GNB5: variants seen among roughly 807,000 people sequenced by gnomAD.
GNB5 encodes guanine nucleotide-binding protein subunit beta-5.
In GNB5, 37 loss-of-function variants were observed where a neutral mutation model predicts 55.3. The observed-to-expected ratio is 0.67, with a 90% CI of 0.51 to 0.88. The LOEUF (loss-of-function observed/expected upper bound fraction) is 0.88, where lower values mean the gene tolerates loss of function less well. Among genes scored for constraint, GNB5 ranks in the 40% least tolerant of loss-of-function variants. GNB5 has a pLI of 0.00. For missense variants in GNB5, 476 were observed against 515.3 expected (o/e 0.92, Z 0.74); for synonymous variants, 219 against 198.5 (o/e 1.10, Z -0.87).
chr15:52,184,513 T>G (rs1432677547), intron 2 of GNB5, 38 bp downstream of exon 2: 2 of 1,592,544 alleles, frequency 1.3e-6, no homozygotes, highest in East Asian at 4.5e-5. Flanking sequence ...TTGACTGTTT[T>G]AAGACAGATA....
intron 8 of GNB5, 112 bp downstream of exon 8, chr15:52,135,501 G>T: frequency 1.1e-6 from 1 of 931,504 alleles, no homozygotes; most frequent in Non-Finnish European, 1.7e-6. Context: ...AACAATTCCT[G>T]CAGCCCCTTC....
At chr15:52,190,028 G>A (rs1196247423) in intron 1 of GNB5, among the ~76,000 whole-genome samples, 1 of 151,898 alleles carries the variant, frequency 6.6e-6, no homozygotes, top group Non-Finnish European at 1.5e-5. Flanking sequence ...GCAAATCCTT[G>A]TAAATAAACT....
chr15:52,181,392 T>A (rs543068776), intron 2 of GNB5, among the ~76,000 whole-genome samples: 1 of 152,244 alleles, frequency 6.6e-6, no homozygotes, highest in South Asian at 2.1e-4. Flanking sequence ...AAGGTGGGTG[T>A]ATCACCTGAG....
intron 1 of GNB5, among the ~76,000 whole-genome samples, chr15:52,188,399 C>G (rs1297307133): frequency 6.6e-6 from 1 of 152,158 alleles, no homozygotes; most frequent in Non-Finnish European, 1.5e-5. Flanking sequence ...ATAATCCCAC[C>G]ACTCAGAGAA....
chr15:52,167,107 C>A (rs1273205069), intron 3 of GNB5, among the ~76,000 whole-genome samples: 2 of 152,118 alleles, frequency 1.3e-5, no homozygotes, highest in Non-Finnish European at 2.9e-5. Context: ...AATGCATACA[C>A]CCTCCCAAGA....
Position 52,145,953 on chromosome 15 carries a change from C to CTT in GNB5, c.494+1504_494+1505dup, listed in dbSNP as rs937011704. Reference sequence around the variant, plus strand: ...GTTCCTCCCAGCCTTTATAATATGACTTTTTTTTTTTTTTTTTTTTTGAGA... The same window carrying CTT: ...GTTCCTCCCAGCCTTTATAATATGACTTTTTTTTTTTTTTTTTTTTTTTGAGA... On this transcript the variant is annotated intron_variant, in intron 6 of 12. Transcript: ENST00000261837. Among the ~76,000 whole-genome samples, 1,100 of 127,524 alleles carry CTT rather than the reference C, an allele frequency of 8.6e-3. 52 individuals are homozygous for CTT. Among genetic ancestry groups the CTT allele is most frequent in the African/African-American group, 0.029 (983 of 33,436 alleles). The allele number at this position is 127,524 out of a possible 152,430, so 83.7% of individuals were successfully genotyped here. A position where few individuals can be genotyped will look rare whatever the true frequency, so the allele number is the denominator to read the frequency against.
At position 52,187,810 on chromosome 15, in the gene GNB5, G is replaced by A. The variant is rs541305461; in HGVS notation, c.-18-3116C>T. Among the ~76,000 whole-genome samples the A allele has an allele frequency of 1.5e-4, 23 of 152,152 alleles. 1 individual carries two copies. The South Asian group carries it at 4.6e-3, about 30-fold the overall frequency. On this transcript the variant is annotated intron_variant, in intron 1 of 12. Transcript: ENST00000261837. ...CTAAAAATACAAAAATTAGCCTGGC[G>A]TTGTGGTGCGCACCTGTAATCCCAG...
rs538966687 is a variant in GNB5 at position 52,125,838 on chromosome 15, G to A, written c.1009+110C>T. The A allele has an allele frequency of 2.5e-5, 16 of 640,536 alleles. No homozygotes were observed. In the South Asian group the frequency reaches 2.9e-4, roughly 12 times the overall value. 39.7% of individuals were successfully genotyped at this position (640,536 alleles called of 1,614,324 possible). The stretch of plus-strand genomic sequence containing the variant: ...GCAAATATGGATGATTTCGCATACT[G>A]GTCCACAGGAAGCTCAGTTGATGAA... On this transcript the variant is annotated intron_variant, in intron 11 of 12. Transcript: ENST00000261837.
chr15:52,132,720 G>A (rs931455567), intron 9 of GNB5, among the ~76,000 whole-genome samples: 11 of 149,144 alleles, frequency 7.4e-5, no homozygotes, highest in Middle Eastern at 3.5e-3. Flanking sequence ...CAATCTGCCC[G>A]CCTCAGCTTC....
At chr15:52,133,280 A>C in intron 9 of GNB5, 98 bp downstream of exon 9, 1 of 788,088 alleles carries the variant, frequency 1.3e-6, no homozygotes, top group Non-Finnish European at 2.2e-6. Context: ...CTCTCAGCCA[A>C]GTAAACTGAG....
At chr15:52,134,776 C>T (rs564581016) in intron 8 of GNB5, among the ~76,000 whole-genome samples, 29 of 152,234 alleles carry the variant, frequency 1.9e-4, no homozygotes, top group African/African-American at 7.0e-4. Flanking sequence ...ACTGTCCTGT[C>T]TCACCACTGC....
At chr15:52,152,684 G>A (rs1176734351) in intron 4 of GNB5, among the ~76,000 whole-genome samples, 2 of 150,382 alleles carry the variant, frequency 1.3e-5, no homozygotes, top group African/African-American at 4.9e-5. Context: ...AGGCTGGAGT[G>A]CAATGGCATA....
intron 3 of GNB5, among the ~76,000 whole-genome samples, chr15:52,156,952 T>G (rs2034219644): frequency 6.6e-6 from 1 of 151,582 alleles, no homozygotes; most frequent in Non-Finnish European, 1.5e-5. Flanking sequence ...TTTTTTTTTT[T>G]TGAGACGGAG....
At chr15:52,149,699 C>T in intron 5 of GNB5, 185 bp downstream of exon 5, 1 of 673,340 alleles carries the variant, frequency 1.5e-6, no homozygotes, top group Middle Eastern at 3.9e-4. Context: ...GGAATAAATG[C>T]TGCAATGGGC....
chr15:52,115,156 A>T lies in GNB5; in HGVS notation c.*7601T>A, dbSNP rs550217286. The T allele has an allele frequency of 6.6e-6, 1 of 150,836 alleles. No homozygotes were observed. Among genetic ancestry groups the T allele is most frequent in the African/African-American group, 2.4e-5 (1 of 41,378 alleles). 9.3% of individuals were successfully genotyped at this position (150,836 alleles called of 1,614,324 possible). ...CAGTCATGATTTTACCTTTTTGTACATTAAACTTTAGCAGCAAGAACATTG... is the reference window on the plus strand; with the variant it reads ...CAGTCATGATTTTACCTTTTTGTACTTTAAACTTTAGCAGCAAGAACATTG... On this transcript the variant is annotated 3_prime_UTR_variant, in exon 13 of 13. Transcript: ENST00000261837.
At chr15:52,156,136 G>A (rs758738625) in intron 3 of GNB5, among the ~76,000 whole-genome samples, 8 of 152,090 alleles carry the variant, frequency 5.3e-5, no homozygotes, top group Non-Finnish European at 1.0e-4. Flanking sequence ...AGAGACTCAT[G>A]GGTTCTTACT....
chr15:52,153,640 G>GA (rs1224215572), intron 4 of GNB5, among the ~76,000 whole-genome samples: 2 of 151,556 alleles, frequency 1.3e-5, no homozygotes, highest in Non-Finnish European at 2.9e-5. Context: ...CCTCAATTTG[G>GA]AAAAAAAAGA....
rs1189765290 is a variant in GNB5 at position 52,122,678 on chromosome 15, G to T, written c.*79C>A. 1.7e-6 allele frequency: 2 copies of T among 1,149,118 alleles called. No homozygotes were observed. Among genetic ancestry groups the T allele is most frequent in the African/African-American group, 1.5e-5 (1 of 65,978 alleles). 71.2% of individuals were successfully genotyped at this position (1,149,118 alleles called of 1,614,324 possible). A position where few individuals can be genotyped will look rare whatever the true frequency, so the allele number is the denominator to read the frequency against. ...TAAGCTACACTGCAATAAACTCTAA[G>T]CTCCTCTAGAAGTAATATCTATTTA... On this transcript the variant is annotated 3_prime_UTR_variant, in exon 13 of 13. Coordinates refer to ENST00000261837, the MANE Select transcript of GNB5 (RefSeq NM_016194.4).
intron 3 of GNB5, among the ~76,000 whole-genome samples, chr15:52,156,565 A>G (rs2034211346): frequency 6.6e-6 from 1 of 152,162 alleles, no homozygotes; most frequent in Admixed American, 6.5e-5. Flanking sequence ...AACCGTCTCT[A>G]CCAAAAATAC....
Sources: gnomAD v4.1 joint callset for allele counts (sites outside exome capture counted in the v4.1 genomes callset) on GRCh38, gnomAD v4.1.1 for gene constraint, MANE v1.5 for transcripts, NCBI Gene and HGNC (gene_info 2026-07-23, HGNC 2026-07-21) for gene names.